The following GRIK3 variants were observed in gnomAD, a reference collection of about 807,000 sequenced individuals.
The protein encoded by GRIK3 is glutamate ionotropic receptor kainate type subunit 3.
A neutral mutation model predicts 102.5 loss-of-function variants in GRIK3; 29 were observed. The observed-to-expected ratio is 0.28, with a 90% CI of 0.21 to 0.39. GRIK3 has a LOEUF of 0.39. Among genes scored for constraint, GRIK3 ranks in the 10% least tolerant of loss-of-function variants. The pLI is 1.00. For synonymous variants in GRIK3, 511 were observed against 504.9 expected (o/e 1.01, Z -0.16); for missense variants, 908 against 1,252.4 (o/e 0.73, Z 4.15).
At chr1:36,961,032 G>A (rs2124348612) in intron 1 of GRIK3, among the ~76,000 whole-genome samples, 1 of 152,334 alleles carries the variant, frequency 6.6e-6, no homozygotes, top group South Asian at 2.1e-4. Flanking sequence ...ACATGGAGAC[G>A]ACCTGTCTTC....
intron 9 of GRIK3, among the ~76,000 whole-genome samples, chr1:36,849,443 G>T (rs1640555747): frequency 6.6e-6 from 1 of 152,220 alleles, no homozygotes; most frequent in African/African-American, 2.4e-5. Flanking sequence ...AAATATATTT[G>T]CTTTATTATG....
intron 1 of GRIK3, among the ~76,000 whole-genome samples, chr1:36,953,313 G>C (rs1641867299): frequency 6.6e-6 from 1 of 152,208 alleles, no homozygotes; most frequent in African/African-American, 2.4e-5. Context: ...CACAGGTAGA[G>C]GGCAAGAGGA....
chr1:36,956,034 G>A (rs973148966), intron 1 of GRIK3, among the ~76,000 whole-genome samples: 6 of 152,370 alleles, frequency 3.9e-5, no homozygotes, highest in Middle Eastern at 6.8e-3. Flanking sequence ...TCCACCAACA[G>A]CCAGAGCGGG....
chr1:36,833,313 A>G (rs1167825368), intron 10 of GRIK3, among the ~76,000 whole-genome samples: 1 of 152,022 alleles, frequency 6.6e-6, no homozygotes, highest in Non-Finnish European at 1.5e-5. Flanking sequence ...CCCCGGATGA[A>G]CCCACCTGAA....
chr1:37,005,199 T>A (rs764521319), intron 1 of GRIK3, among the ~76,000 whole-genome samples: 9 of 152,160 alleles, frequency 5.9e-5, no homozygotes, highest in Non-Finnish European at 1.0e-4. Flanking sequence ...CTTGCCTGGG[T>A]CCCCACCTGA....
At chr1:36,994,024 C>T (rs1175977220) in intron 1 of GRIK3, among the ~76,000 whole-genome samples, 1 of 152,240 alleles carries the variant, frequency 6.6e-6, no homozygotes, top group East Asian at 1.9e-4. Context: ...CACAACCACA[C>T]TTCACCATCC....
chr1:37,029,376 C>T (rs1642797373), intron 1 of GRIK3, among the ~76,000 whole-genome samples: 1 of 152,240 alleles, frequency 6.6e-6, no homozygotes, highest in African/African-American at 2.4e-5. Context: ...CAGTTCCTCT[C>T]CGTGCTGCCC....
intron 10 of GRIK3, among the ~76,000 whole-genome samples, chr1:36,830,849 C>CACAGA (rs1304692378): frequency 1.3e-5 from 2 of 148,236 alleles, no homozygotes; most frequent in Non-Finnish European, 3.0e-5. Context: ...AAAGAGGATG[C>CACAGA]ACAGATACAC....
At chr1:36,898,023 G>C (rs1056503043) in intron 1 of GRIK3, among the ~76,000 whole-genome samples, 4 of 152,026 alleles carry the variant, frequency 2.6e-5, no homozygotes, top group African/African-American at 9.7e-5. Context: ...ATTATACTAA[G>C]TGAAATAAGC....
intron 1 of GRIK3, among the ~76,000 whole-genome samples, chr1:36,943,779 G>A (rs1217893473): frequency 6.6e-6 from 1 of 152,218 alleles, no homozygotes; most frequent in Non-Finnish European, 1.5e-5. Context: ...GCTCTAGGAT[G>A]AGCAAGGCAC....
rs763061090 is a variant in GRIK3, at chr1:36,880,053, C to T, written c.550+581G>A. 9.9e-5 allele frequency among the ~76,000 whole-genome samples: 15 copies of T among 152,172 alleles called. No individual in the cohort carries two copies. The East Asian group carries it at 1.2e-3, about 12-fold the overall frequency. Reference sequence around the variant, plus strand: ...GAGGATGAGAAGAACCAACCTTCAGCGCTCACTGCATGTCAGTGCTTGTCA... The same window carrying T: ...GAGGATGAGAAGAACCAACCTTCAGTGCTCACTGCATGTCAGTGCTTGTCA... On this transcript the variant is annotated intron_variant, in intron 3 of 15. Coordinates refer to ENST00000373091, the MANE Select transcript of GRIK3 (RefSeq NM_000831.4). The surrounding 1 kb of genome is among the most constrained non-coding windows in gnomAD (Gnocchi z 5.4).
rs570306289 is a variant in GRIK3 at position 36,928,829 on chromosome 1, A to C, written c.116-37733T>G. ...GTAGGAAAATGCTCAGATGGAGGTA[A>C]GATCAGGATGTTCTCAAGGAAGGAG... On this transcript the variant is annotated intron_variant, in intron 1 of 15. Coordinates refer to ENST00000373091, the MANE Select transcript of GRIK3 (RefSeq NM_000831.4). Among the ~76,000 whole-genome samples the C allele has an allele frequency of 2.0e-5, 3 of 152,336 alleles. No homozygotes were observed. In the East Asian group the frequency reaches 5.8e-4, roughly 29 times the overall value.
intron 1 of GRIK3, among the ~76,000 whole-genome samples, chr1:36,927,494 A>G (rs1164837863): frequency 6.6e-6 from 1 of 152,146 alleles, no homozygotes. Flanking sequence ...AGGAACTGCC[A>G]GTGTCCTAGT....
chr1:36,887,295 A>G (rs1353074662), intron 2 of GRIK3, among the ~76,000 whole-genome samples: 3 of 152,256 alleles, frequency 2.0e-5, no homozygotes, highest in Non-Finnish European at 4.4e-5. Flanking sequence ...CTTCTCAAAC[A>G]ACACAAAATA....
intron 11 of GRIK3, among the ~76,000 whole-genome samples, chr1:36,820,506 C>G (rs754864768): frequency 1.6e-4 from 24 of 152,164 alleles, no homozygotes; most frequent in Non-Finnish European, 2.8e-4. Flanking sequence ...GAAAGGGTCT[C>G]TAGATAAAAA....
intron 7 of GRIK3, among the ~76,000 whole-genome samples, 158 bp from the exon 8 acceptor site, chr1:36,853,880 G>T (rs897082658): frequency 2.0e-5 from 3 of 152,162 alleles, no homozygotes; most frequent in Non-Finnish European, 1.5e-5. Context: ...TCGGGCTGCG[G>T]TGTGAGCCAG....
chr1:36,921,590 C>T (rs1029220763), intron 1 of GRIK3, among the ~76,000 whole-genome samples: 9 of 147,254 alleles, frequency 6.1e-5, no homozygotes, highest in African/African-American at 2.2e-4. Flanking sequence ...ATTTTTATTA[C>T]CATATTTCAT....
At chr1:37,027,495 G>T (rs1461050905) in intron 1 of GRIK3, among the ~76,000 whole-genome samples, 1 of 152,046 alleles carries the variant, frequency 6.6e-6, no homozygotes, top group Non-Finnish European at 1.5e-5. Context: ...GCAAGCAAAG[G>T]GTCCTCATTT....
intron 1 of GRIK3, among the ~76,000 whole-genome samples, chr1:36,914,970 G>C (rs1481135763): frequency 6.6e-6 from 1 of 152,184 alleles, no homozygotes; most frequent in Non-Finnish European, 1.5e-5. Flanking sequence ...TTTCAAATAA[G>C]GGATTCTGAC....
Sources: gnomAD v4.1 joint callset for allele counts (sites outside exome capture counted in the v4.1 genomes callset) on GRCh38, gnomAD v4.1.1 for gene constraint, Gnocchi (gnomAD v3.1) non-coding constraint, MANE v1.5 for transcripts, NCBI Gene and HGNC (gene_info 2026-07-23, HGNC 2026-07-21) for gene names.